CD9: variants seen among roughly 807,000 people sequenced by gnomAD.
CD9 encodes CD9 antigen.
In CD9, 10 loss-of-function variants were observed where a neutral mutation model predicts 31.4. That is an observed-to-expected ratio of 0.32 (90% CI 0.20 to 0.54). The LOEUF (loss-of-function observed/expected upper bound fraction) is 0.54, where lower values mean the gene tolerates loss of function less well. Among genes scored for constraint, CD9 ranks in the 20% least tolerant of loss-of-function variants. The probability of loss-of-function intolerance (pLI) is 0.94; values close to 1 mark genes in which losing one functional copy is unlikely to be tolerated. For missense variants in CD9, 259 were observed against 300.1 expected, an observed-to-expected ratio of 0.86 and a Z score of 1.01; for synonymous variants, 113 against 114.1, an observed-to-expected ratio of 0.99 and a Z score of 0.06.
intron 1 of CD9, among the ~76,000 whole-genome samples, chr12:6,218,668 A>G (rs1366120298): frequency 1.3e-5 from 2 of 152,158 alleles, no homozygotes; most frequent in African/African-American, 4.8e-5. Flanking sequence ...CTGTAACTCC[A>G]GGTGTGTGTT....
intron 2 of CD9, among the ~76,000 whole-genome samples, chr12:6,228,342 A>G (rs1343498169): frequency 6.6e-6 from 1 of 152,130 alleles, no homozygotes; most frequent in Non-Finnish European, 1.5e-5. Context: ...ACCCGAGGTC[A>G]GGAGTTCGAC....
chr12:6,227,886 G>C (rs1241791968), intron 2 of CD9, among the ~76,000 whole-genome samples: 1 of 152,222 alleles, frequency 6.6e-6, no homozygotes, highest in Non-Finnish European at 1.5e-5. Flanking sequence ...CCAGCCAGCA[G>C]CTGACAGGTG....
chr12:6,225,537 G>A lies in CD9; in HGVS notation c.175+3G>A. On this transcript the variant is annotated splice_donor_region_variant and intron_variant, in intron 2 of 7. Coordinates refer to ENST00000009180, the MANE Select transcript of CD9 (RefSeq NM_001769.4). ...TAATAATTCCAGCTTCTACACAGGT[G>A]AGGGACGGGGAAGGCTCAGTGAATT... is the stretch of plus-strand genomic sequence containing the variant. The A allele has an allele frequency of 6.4e-7, 1 of 1,568,248 alleles. No individual in the cohort carries two copies. The highest frequency in any genetic ancestry group is 8.8e-7 in the Non-Finnish European group (1 of 1,138,316).
chr12:6,220,290 G>A (rs1410656102), intron 1 of CD9, among the ~76,000 whole-genome samples: 1 of 152,188 alleles, frequency 6.6e-6, no homozygotes, highest in Non-Finnish European at 1.5e-5. Flanking sequence ...CTGAACTCGG[G>A]AAACTTGGAG....
chr12:6,210,066 G>C (rs1381594863), intron 1 of CD9, among the ~76,000 whole-genome samples: 1 of 152,202 alleles, frequency 6.6e-6, no homozygotes, highest in Non-Finnish European at 1.5e-5. Flanking sequence ...ATGGGAGGCT[G>C]GCACTCTCCT....
intron 1 of CD9, among the ~76,000 whole-genome samples, chr12:6,212,366 G>A (rs1448223219): frequency 3.3e-5 from 5 of 152,210 alleles, no homozygotes; most frequent in Non-Finnish European, 7.3e-5. Flanking sequence ...TGTAATTCTA[G>A]TCTCCTCCCT....
chr12:6,213,077 T>TA (rs1354544236), intron 1 of CD9, among the ~76,000 whole-genome samples: 1 of 152,190 alleles, frequency 6.6e-6, no homozygotes, highest in Non-Finnish European at 1.5e-5. Context: ...ACCAGCGTCT[T>TA]ACGATTGTTA....
intron 1 of CD9, among the ~76,000 whole-genome samples, chr12:6,205,280 G>A (rs905790218): frequency 1.3e-5 from 2 of 152,216 alleles, no homozygotes; most frequent in Non-Finnish European, 2.9e-5. Flanking sequence ...CCCACAGTGG[G>A]TGTGAACAAC....
chr12:6,221,183 G>A (rs1339414460), intron 1 of CD9, among the ~76,000 whole-genome samples: 2 of 152,134 alleles, frequency 1.3e-5, no homozygotes, highest in African/African-American at 4.8e-5. Flanking sequence ...TTTTCCTCTC[G>A]GCCCTCTCAA....
rs562840561 is a variant in CD9 at position 6,200,821 on chromosome 12, TGAG to T, written c.66+258_66+260del. The T allele has an allele frequency of 4.2e-3, 1,782 of 423,292 alleles. 8 individuals are homozygous for T. Among genetic ancestry groups the T allele is most frequent in the Non-Finnish European group, 5.5e-3 (1,322 of 239,848 alleles). The allele number at this position is 423,292 out of a possible 1,614,324, so 26.2% of individuals were successfully genotyped here. ...CGTGGGGAGCCGGGCCCTCTTGAGATGAGGCGTGCGGGAGGGTCCTGAGCACTT... is the reference window on the plus strand; with the variant it reads ...CGTGGGGAGCCGGGCCCTCTTGAGATGCGTGCGGGAGGGTCCTGAGCACTT... On this transcript the variant is annotated intron_variant, in intron 1 of 7. Coordinates refer to ENST00000009180, the MANE Select transcript of CD9 (RefSeq NM_001769.4).
At chr12:6,227,032 A>G (rs1388665792) in intron 2 of CD9, among the ~76,000 whole-genome samples, 1 of 152,094 alleles carries the variant, frequency 6.6e-6, no homozygotes, top group Non-Finnish European at 1.5e-5. Flanking sequence ...CTCCAAAGAG[A>G]GACTCAGTCC....
intron 1 of CD9, among the ~76,000 whole-genome samples, chr12:6,214,591 C>A (rs762292076): frequency 6.6e-6 from 1 of 151,996 alleles, no homozygotes; most frequent in African/African-American, 2.4e-5. Flanking sequence ...TCAAGCATTC[C>A]GCCCCCCTCT....
chr12:6,211,086 T>C (rs1946189565), intron 1 of CD9, among the ~76,000 whole-genome samples: 1 of 152,196 alleles, frequency 6.6e-6, no homozygotes, highest in Non-Finnish European at 1.5e-5. Context: ...TCCTCCCGCC[T>C]TGGCCTCCCA....
intron 2 of CD9, among the ~76,000 whole-genome samples, chr12:6,231,205 A>G (rs1440329723): frequency 5.3e-5 from 8 of 152,340 alleles, no homozygotes; most frequent in Admixed American, 4.6e-4. Flanking sequence ...AAAATTCACC[A>G]TGGTGATTAT....
intron 6 of CD9, 50 bp from the exon 7 acceptor site, chr12:6,236,142 C>T: frequency 1.2e-6 from 2 of 1,608,886 alleles, no homozygotes; most frequent in Admixed American, 3.3e-5. Flanking sequence ...GAGGAGGTGC[C>T]CTGGGAGGAA....
At chr12:6,202,809 C>G (rs528047908) in intron 1 of CD9, among the ~76,000 whole-genome samples, 6 of 152,368 alleles carry the variant, frequency 3.9e-5, no homozygotes, top group Admixed American at 6.5e-5. Context: ...GTCCAGCTCT[C>G]TTATTCATAG....
intron 4 of CD9, among the ~76,000 whole-genome samples, chr12:6,234,743 A>G (rs1016858433): frequency 2.0e-5 from 3 of 152,264 alleles, no homozygotes; most frequent in Non-Finnish European, 4.4e-5. Context: ...AAGGCTTAAC[A>G]TGCAATATTT....
intron 2 of CD9, 130 bp downstream of exon 2, chr12:6,225,664 C>T (rs1946355749): frequency 2.9e-5 from 18 of 617,230 alleles, no homozygotes; most frequent in South Asian, 2.7e-4. Flanking sequence ...GCTGGCCAGT[C>T]GTGTCCCTTT....
At chr12:6,212,467 G>T (rs1287299114) in intron 1 of CD9, among the ~76,000 whole-genome samples, 2 of 152,160 alleles carry the variant, frequency 1.3e-5, no homozygotes, top group Non-Finnish European at 2.9e-5. Flanking sequence ...GGCCAGGCTC[G>T]AACATTTACA....
Sources: gnomAD v4.1 joint callset for allele counts (sites outside exome capture counted in the v4.1 genomes callset) on GRCh38, gnomAD v4.1.1 for gene constraint, MANE v1.5 for transcripts, NCBI Gene and HGNC (gene_info 2026-07-23, HGNC 2026-07-21) for gene names.